DRAM1: variants seen among roughly 807,000 people sequenced by gnomAD.
DRAM1 encodes DNA damage-regulated autophagy modulator protein 1.
A neutral mutation model predicts 28.5 loss-of-function variants in DRAM1; 25 were observed. The ratio of observed to expected loss-of-function variants is 0.88; its 90% CI spans 0.64 to 1.23. The LOEUF (loss-of-function observed/expected upper bound fraction) is 1.23. DRAM1 is among the 50% of genes most tolerant of loss of function. The pLI, the probability that DRAM1 is intolerant of heterozygous loss-of-function variation, is 0.00. For missense variants in DRAM1, 249 were observed against 299.2 expected (o/e 0.83, Z 1.24); for synonymous variants, 113 against 114.2 (o/e 0.99, Z 0.07).
chr12:101,897,478 G>A (rs74461231), intron 1 of DRAM1, among the ~76,000 whole-genome samples: 9,935 of 152,110 alleles, frequency 0.065, 449 homozygotes, highest in Middle Eastern at 0.099. Context: ...TGGGATTACA[G>A]GTGTGAGCCG....
chr12:101,887,599 C>T (rs1264229338), intron 1 of DRAM1, among the ~76,000 whole-genome samples: 1 of 151,002 alleles, frequency 6.6e-6, no homozygotes, highest in African/African-American at 2.4e-5. Flanking sequence ...GTTGCAATCT[C>T]GGTTCGCTGC....
intron 5 of DRAM1, among the ~76,000 whole-genome samples, chr12:101,917,048 A>G (rs1274742881): frequency 6.6e-6 from 1 of 152,242 alleles, no homozygotes; most frequent in Non-Finnish European, 1.5e-5. Flanking sequence ...ATGGCTAACT[A>G]TGGCATATGC....
At chr12:101,892,981 T>C (rs1873196205) in intron 1 of DRAM1, among the ~76,000 whole-genome samples, 1 of 152,224 alleles carries the variant, frequency 6.6e-6, no homozygotes, top group Non-Finnish European at 1.5e-5. Context: ...TATTGTACTG[T>C]TGCAGTGCAA....
intron 1 of DRAM1, chr12:101,890,300 A>C (rs1352525798): frequency 3.4e-6 from 1 of 293,814 alleles, no homozygotes; most frequent in East Asian, 1.2e-4. Flanking sequence ...GGCTGCTATC[A>C]AACTCCTGAC....
At chr12:101,879,823 A>G (rs576872832) in intron 1 of DRAM1, among the ~76,000 whole-genome samples, 2 of 152,146 alleles carry the variant, frequency 1.3e-5, no homozygotes, top group East Asian at 1.9e-4. Context: ...GTAAAACCTC[A>G]TCTCTACTAA....
chr12:101,879,113 G>C (rs1872601418), intron 1 of DRAM1, among the ~76,000 whole-genome samples: 1 of 152,064 alleles, frequency 6.6e-6, no homozygotes, highest in Admixed American at 6.6e-5. Context: ...TCCTGCCTCA[G>C]CCTCCCAAGT....
intron 4 of DRAM1, among the ~76,000 whole-genome samples, chr12:101,913,766 A>T (rs1197495202): frequency 6.6e-6 from 1 of 150,554 alleles, no homozygotes; most frequent in Non-Finnish European, 1.5e-5. Context: ...AAGTATTTTT[A>T]TTCAGTGGGA....
chr12:101,886,174 C>T (rs924620996), intron 1 of DRAM1, among the ~76,000 whole-genome samples: 1 of 152,174 alleles, frequency 6.6e-6, no homozygotes, highest in South Asian at 2.1e-4. Flanking sequence ...AGTTTGTGGT[C>T]GATTTGACTT....
At chr12:101,892,422 TTTTG>T (rs1226342957) in intron 1 of DRAM1, among the ~76,000 whole-genome samples, 110 of 86,516 alleles carry the variant, frequency 1.3e-3, no homozygotes, top group African/African-American at 1.8e-3. Flanking sequence ...TTTTTTTTTT[TTTTG>T]TATTTTTAGT....
chr12:101,898,327 T>C (rs537861877), intron 2 of DRAM1, among the ~76,000 whole-genome samples: 16 of 152,350 alleles, frequency 1.1e-4, no homozygotes, highest in African/African-American at 3.1e-4. Flanking sequence ...CGGCCTTGTG[T>C]ATAATTTTTT....
Position 101,921,326 on chromosome 12 carries a change from A to G in DRAM1, c.*66A>G, listed in dbSNP as rs1385035552. On this transcript the variant is annotated 3_prime_UTR_variant, in exon 7 of 7. Coordinates refer to ENST00000258534, the MANE Select transcript of DRAM1 (RefSeq NM_018370.3). ...CATTTCTAAAAGTGCTACAGAGGACAGACAGGGTTTTGAGGCCACCCTGAT... is the reference window on the plus strand; with the variant it reads ...CATTTCTAAAAGTGCTACAGAGGACGGACAGGGTTTTGAGGCCACCCTGAT... 5.0e-6 allele frequency: 7 copies of G among 1,411,116 alleles called. No individual in the cohort carries two copies. The East Asian group carries it at 9.1e-5, about 18-fold the overall frequency. 87.4% of individuals were successfully genotyped at this position (1,411,116 alleles called of 1,614,324 possible).
Position 101,889,184 on chromosome 12 carries a change from A to G in DRAM1, c.132-8679A>G, listed in dbSNP as rs192684596. ...TCATTCCATCAAGAACATGCATTGA[A>G]GAGTTGTTGTGAGCCAAGGACACCA... On this transcript the variant is annotated intron_variant, in intron 1 of 6. Coordinates refer to ENST00000258534, the MANE Select transcript of DRAM1 (RefSeq NM_018370.3). Among the ~76,000 whole-genome samples, 74 of 152,314 alleles carry G rather than the reference A, an allele frequency of 4.9e-4. 1 individual carries two copies. The highest frequency in any genetic ancestry group is 1.8e-3 in the African/African-American group (74 of 41,576).
At position 101,908,253 on chromosome 12, in the gene DRAM1, C is replaced by G; in HGVS notation, c.410C>G (p.Thr137Arg). 1 of 1,614,102 alleles carries G rather than the reference C, an allele frequency of 6.2e-7. No individual in the cohort carries two copies. Among genetic ancestry groups the G allele is most frequent in the Non-Finnish European group, 8.5e-7 (1 of 1,180,004 alleles). ...GCCTTTGTCTGTGGTGTCGTGTACA[C>G]GCTCCTACAGTCCATCATCTCTTAC... is the stretch of plus-strand genomic sequence containing the variant. ...LLAFVCGVVY[T>R]LLQSIISYKS... The change falls in exon 4 of 7, where the codon ACG becomes AGG. Residue 137 changes from threonine to arginine, a missense_variant. Around this residue, in one of 3 missense-constraint regions of DRAM1, gnomAD observed 218 missense variants for 243.1 expected, o/e 0.90. Transcript: ENST00000258534.
chr12:101,907,468 C>T (rs1191807376), intron 3 of DRAM1, among the ~76,000 whole-genome samples: 1 of 151,808 alleles, frequency 6.6e-6, no homozygotes, highest in Non-Finnish European at 1.5e-5. Flanking sequence ...GGGTTGGGTG[C>T]GGTGGCTCAC....
chr12:101,922,236 C>T lies in DRAM1; in HGVS notation c.*976C>T, dbSNP rs970653400. 1 of 152,252 alleles carries T rather than the reference C, an allele frequency of 6.6e-6. No homozygotes were observed. The highest frequency in any genetic ancestry group is 2.4e-5 in the African/African-American group (1 of 41,470). 9.4% of individuals were successfully genotyped at this position (152,252 alleles called of 1,614,324 possible). A position where few individuals can be genotyped will look rare whatever the true frequency, so the allele number is the denominator to read the frequency against. On this transcript the variant is annotated 3_prime_UTR_variant, in exon 7 of 7. Coordinates refer to ENST00000258534, the MANE Select transcript of DRAM1 (RefSeq NM_018370.3). ...ATGCCTGTGGCTGGATGTCCCACAA[C>T]ACTATAAGAAATATAAGTCAAGCCC...
At chr12:101,920,262 C>A in intron 6 of DRAM1, 61 bp downstream of exon 6, 3 of 1,209,268 alleles carry the variant, frequency 2.5e-6, no homozygotes, top group South Asian at 1.4e-5. Context: ...TAAAAATTTG[C>A]AGAAGACATT....
chr12:101,879,246 C>T (rs539836050), intron 1 of DRAM1, among the ~76,000 whole-genome samples: 6 of 152,252 alleles, frequency 3.9e-5, no homozygotes, highest in African/African-American at 1.4e-4. Flanking sequence ...GATCCTCTTG[C>T]CTTGGCCTCC....
rs17032035 is a variant in DRAM1 at position 101,893,038 on chromosome 12, G to C, written c.132-4825G>C. Among the ~76,000 whole-genome samples the C allele has an allele frequency of 3.7e-3, 563 of 152,352 alleles. 8 individuals are homozygous for C. In the East Asian group the frequency reaches 0.059, roughly 16 times the overall value. On this transcript the variant is annotated intron_variant, in intron 1 of 6. Coordinates refer to ENST00000258534, the MANE Select transcript of DRAM1 (RefSeq NM_018370.3). ...TGATATTCAGGCATTGATGGTGGGT[G>C]TTATAGCCTCAGTCATCCTGAAAAA...
intron 5 of DRAM1, among the ~76,000 whole-genome samples, chr12:101,914,992 T>G (rs1485077184): frequency 6.7e-6 from 1 of 149,684 alleles, no homozygotes; most frequent in Non-Finnish European, 1.5e-5. Flanking sequence ...TTCTTTTTTT[T>G]TTTTTGAGAC....
Sources: allele counts gnomAD v4.1 joint callset (sites outside exome capture counted in the v4.1 genomes callset), GRCh38; gene constraint gnomAD v4.1.1; regional missense constraint gnomAD v4.1.1; transcripts MANE v1.5; gene names NCBI Gene and HGNC (gene_info 2026-07-23, HGNC 2026-07-21).